PPP2R2B: variants seen among roughly 807,000 people sequenced by gnomAD.
PPP2R2B encodes the protein serine/threonine-protein phosphatase 2A 55 kDa regulatory subunit B beta isoform.
PPP2R2B carries 5 observed loss-of-function variants against 46.0 expected under a neutral mutation model. The ratio of observed to expected loss-of-function variants is 0.11; its 90% CI spans 0.06 to 0.23. PPP2R2B has a LOEUF of 0.23. Among genes scored for constraint, PPP2R2B ranks in the 10% least tolerant of loss-of-function variants. The pLI, the probability that PPP2R2B is intolerant of heterozygous loss-of-function variation, is 1.00. For synonymous variants in PPP2R2B, 215 were observed against 206.7 expected (o/e 1.04, Z -0.34); for missense variants, 367 against 575.0 (o/e 0.64, Z 3.70).
chr5:146,969,013 G>A (rs892807630), intron 1 of PPP2R2B, among the ~76,000 whole-genome samples: 10 of 152,182 alleles, frequency 6.6e-5, no homozygotes, highest in Non-Finnish European at 1.0e-4. Flanking sequence ...AACAAGTGGC[G>A]CCAGCCAGCG....
chr5:147,015,430 G>A (rs956866614), intron 1 of PPP2R2B, among the ~76,000 whole-genome samples: 5 of 151,546 alleles, frequency 3.3e-5, no homozygotes, highest in African/African-American at 4.8e-5. Flanking sequence ...CTTTGTGCGT[G>A]CTGTACACTT....
intron 2 of PPP2R2B, among the ~76,000 whole-genome samples, chr5:146,708,802 A>T (rs1241542922): frequency 6.6e-6 from 1 of 152,204 alleles, no homozygotes; most frequent in African/African-American, 2.4e-5. Flanking sequence ...ATGGAGCTAA[A>T]AAAAATTCAT....
intron 1 of PPP2R2B, among the ~76,000 whole-genome samples, chr5:147,006,804 A>G (rs1005028464): frequency 3.3e-5 from 5 of 151,984 alleles, no homozygotes; most frequent in Non-Finnish European, 5.9e-5. Flanking sequence ...CCAAAAAAAG[A>G]GGACTCTGCA....
At position 146,580,937 on chromosome 5, in the gene PPP2R2B, AT is replaced by A. The variant is rs1769865179; in HGVS notation, c.*9009del. Among the ~76,000 whole-genome samples the A allele has an allele frequency of 6.6e-6, 1 of 152,078 alleles. No individual in the cohort carries two copies. Among genetic ancestry groups the A allele is most frequent in the Admixed American group, 6.6e-5 (1 of 15,266 alleles). ...TGATCCATGCCTGAAATGGTATTTC[AT>A]TTTGTACTTTGAAAAAATCAGCTTT... On this transcript the variant is annotated 3_prime_UTR_variant, in exon 10 of 10. Transcript: ENST00000394411.
chr5:146,699,224 G>A (rs550585691), intron 3 of PPP2R2B, among the ~76,000 whole-genome samples: 12 of 152,282 alleles, frequency 7.9e-5, no homozygotes, highest in Admixed American at 7.8e-4. Context: ...ACCAGTGAGA[G>A]TGCTGAACCC....
intron 7 of PPP2R2B, among the ~76,000 whole-genome samples, chr5:146,609,843 C>T (rs1284309242): frequency 2.2e-5 from 3 of 137,812 alleles, no homozygotes; most frequent in Admixed American, 7.2e-5. Flanking sequence ...GAGGGTCCTA[C>T]GCCCACGGAA....
At chr5:146,702,474 G>T (rs1370441414) in intron 2 of PPP2R2B, among the ~76,000 whole-genome samples, 1 of 152,104 alleles carries the variant, frequency 6.6e-6, no homozygotes, top group African/African-American at 2.4e-5. Context: ...AGGCCTGCAG[G>T]GCCACAAAGT....
chr5:146,761,614 T>A lies in PPP2R2B; in HGVS notation c.71-60472A>T, dbSNP rs570165126. 6.5e-4 allele frequency among the ~76,000 whole-genome samples: 99 copies of A among 151,692 alleles called. 1 individual carries two copies. In the South Asian group the frequency reaches 0.018, roughly 27 times the overall value. ...CACATGTACCCTAAAACTTAAAGTATAGTAATAATAAAATTTAAAAAAAAA... is the reference window on the plus strand; with the variant it reads ...CACATGTACCCTAAAACTTAAAGTAAAGTAATAATAAAATTTAAAAAAAAA... On this transcript the variant is annotated intron_variant, in intron 2 of 9. Coordinates refer to ENST00000394411, the MANE Select transcript of PPP2R2B (RefSeq NM_181675.4).
At chr5:146,625,260 G>A (rs1773971501) in intron 7 of PPP2R2B, among the ~76,000 whole-genome samples, 3 of 152,118 alleles carry the variant, frequency 2.0e-5, no homozygotes, top group Admixed American at 2.0e-4. Flanking sequence ...CTAGGAATGC[G>A]ATTTAATTTT....
chr5:146,816,377 A>G (rs1371626586), intron 2 of PPP2R2B, among the ~76,000 whole-genome samples: 2 of 152,212 alleles, frequency 1.3e-5, no homozygotes, highest in Non-Finnish European at 2.9e-5. Context: ...TCCACTCTGA[A>G]CAACAGAGTG....
intron 1 of PPP2R2B, chr5:146,918,434 G>A (rs532238950): frequency 6.6e-6 from 1 of 152,284 alleles, no homozygotes; most frequent in African/African-American, 2.4e-5. Context: ...CATTTATTGA[G>A]AGGTAAATAG....
chr5:146,644,644 T>C (rs948058612), intron 6 of PPP2R2B, among the ~76,000 whole-genome samples: 1 of 152,364 alleles, frequency 6.6e-6, no homozygotes, highest in East Asian at 1.9e-4. Flanking sequence ...GATTCAGTTT[T>C]GATTCTATCT....
chr5:147,053,988 T>G (rs998407747), intron 1 of PPP2R2B, among the ~76,000 whole-genome samples: 2 of 152,192 alleles, frequency 1.3e-5, no homozygotes, highest in Non-Finnish European at 1.5e-5. Context: ...TACAACAAAT[T>G]TAAATACATG....
At chr5:147,075,047 G>A (rs978585495) in intron 2 of PPP2R2B, among the ~76,000 whole-genome samples, 1 of 152,174 alleles carries the variant, frequency 6.6e-6, no homozygotes, top group Non-Finnish European at 1.5e-5. Flanking sequence ...ATGGTTATAT[G>A]CTGTAGCTGG....
At chr5:146,993,728 G>A (rs1753803613) in intron 1 of PPP2R2B, among the ~76,000 whole-genome samples, 2 of 152,196 alleles carry the variant, frequency 1.3e-5, no homozygotes, top group Admixed American at 1.3e-4. Flanking sequence ...CACAACAGGG[G>A]CTCAATAAAT....
At chr5:146,889,636 G>C (rs1050915454) in intron 1 of PPP2R2B, among the ~76,000 whole-genome samples, 1 of 152,070 alleles carries the variant, frequency 6.6e-6, no homozygotes, top group Non-Finnish European at 1.5e-5. Context: ...TTTGCCTTAT[G>C]CATCTCTTTC....
intron 2 of PPP2R2B, among the ~76,000 whole-genome samples, chr5:146,779,002 AAC>A (rs1421997792): frequency 6.6e-6 from 1 of 152,238 alleles, no homozygotes; most frequent in Non-Finnish European, 1.5e-5. Context: ...GGGCAGGACG[AAC>A]ACAGCTGGTT....
chr5:146,771,536 C>A (rs1259699434), intron 2 of PPP2R2B, among the ~76,000 whole-genome samples: 1 of 151,960 alleles, frequency 6.6e-6, no homozygotes, highest in Non-Finnish European at 1.5e-5. Context: ...ATGGGATTGC[C>A]CCAGAGATGC....
chr5:146,667,733 A>T (rs1182796487), intron 5 of PPP2R2B, among the ~76,000 whole-genome samples: 2 of 152,094 alleles, frequency 1.3e-5, no homozygotes, highest in African/African-American at 4.8e-5. Context: ...TGTCTTGCTT[A>T]GGGGCCACCT....
Sources: gnomAD v4.1 joint callset for allele counts (sites outside exome capture counted in the v4.1 genomes callset) on GRCh38, gnomAD v4.1.1 for gene constraint, MANE v1.5 for transcripts, NCBI Gene and HGNC (gene_info 2026-07-23, HGNC 2026-07-21) for gene names.